The following CRYBB3 variants were observed in gnomAD, a reference collection of about 807,000 sequenced individuals.
The protein encoded by CRYBB3 is beta-crystallin B3.
CRYBB3 carries 35 observed loss-of-function variants against 28.3 expected under a neutral mutation model. That is an observed-to-expected ratio of 1.24 (90% confidence interval 0.95 to 1.64). The LOEUF (loss-of-function observed/expected upper bound fraction) is 1.64, where lower values mean the gene tolerates loss of function less well. CRYBB3 is among the 40% of genes most tolerant of loss of function. The probability of loss-of-function intolerance (pLI) is 0.00; values close to 1 mark genes in which losing one functional copy is unlikely to be tolerated. For missense variants in CRYBB3, 296 were observed against 297.4 expected (o/e 1.00, Z 0.04); for synonymous variants, 106 against 110.4 (o/e 0.96, Z 0.25).
intron 3 of CRYBB3, 33 bp downstream of exon 3, chr22:25,202,825 G>A: frequency 6.2e-7 from 1 of 1,611,530 alleles, no homozygotes; most frequent in African/African-American, 1.3e-5. Context: ...CCTCGCCACA[G>A]CCCTGAGCCT....
chr22:25,206,909 TA>T, intron 5 of CRYBB3, 137 bp from the exon 6 acceptor site: 1 of 760,318 alleles, frequency 1.3e-6, no homozygotes. Context: ...GTGAGCAGGG[TA>T]AAGAGTTTGG....
At chr22:25,200,710 G>C (rs529113883) in intron 1 of CRYBB3, among the ~76,000 whole-genome samples, 1 of 152,098 alleles carries the variant, frequency 6.6e-6, no homozygotes, top group South Asian at 2.1e-4. Flanking sequence ...GTACACAGTC[G>C]TGTTCAATAA....
chr22:25,203,840 C>G lies in CRYBB3; in HGVS notation c.272C>G (p.Ala91Gly). 1 of 1,614,212 alleles carries G rather than the reference C, an allele frequency of 6.2e-7. No individual in the cohort carries two copies. Among genetic ancestry groups the G allele is most frequent in the Non-Finnish European group, 8.5e-7 (1 of 1,180,022 alleles). The change falls in exon 4 of 6, where the codon GCC becomes GGC. Residue 91 changes from alanine (A) to glycine (G), a missense_variant. Ala to Gly is a moderately conservative substitution (Grantham distance 60, BLOSUM62 0). Coordinates refer to ENST00000215855, the MANE Select transcript of CRYBB3 (RefSeq NM_004076.5). ...LEKGDYPRWD[A>G]WSNSRDSDSL... is the part of the protein sequence containing the mutation. ...AAGGGGGATTATCCTCGCTGGGATGCCTGGTCCAACAGCCGTGATAGTGAC... is the reference window on the plus strand; with the variant it reads ...AAGGGGGATTATCCTCGCTGGGATGGCTGGTCCAACAGCCGTGATAGTGAC...
Position 25,207,094 on chromosome 22 carries a change from T to C in CRYBB3, c.518T>C (p.Phe173Ser). ...GGCTACCGTGGGCGCCAGTACGTGT[T>C]TGAGCGGGGCGAGTACCGCCACTGG... is the stretch of plus-strand genomic sequence containing the variant. The part of the protein sequence containing the change: ...FPGYRGRQYV[F>S]ERGEYRHWNE... Residue 173 changes from phenylalanine to serine, a missense_variant, in exon 6 of 6, where the codon TTT (phenylalanine) becomes TCT (serine). Coordinates refer to ENST00000215855, the MANE Select transcript of CRYBB3 (RefSeq NM_004076.5). 6.2e-7 allele frequency: 1 copy of C among 1,613,724 alleles called. No homozygotes were observed. The highest frequency in any genetic ancestry group is 8.5e-7 in the Non-Finnish European group (1 of 1,179,868).
Position 25,206,817 on chromosome 22 carries a change from A to G in CRYBB3, c.471-230A>G, listed in dbSNP as rs2252880. Among the ~76,000 whole-genome samples the G allele has an allele frequency of 0.43, 64,607 of 151,854 alleles. 14,648 individuals are homozygous for G. The highest frequency in any genetic ancestry group is 0.6 in the African/African-American group (24,860 of 41,412). The stretch of plus-strand genomic sequence containing the variant: ...GCCCCCCAACACAGCAGGTTCCGGG[A>G]AAGTAGAATAAGAGAGGCCACGGTG... On this transcript the variant is annotated intron_variant, in intron 5 of 5. Coordinates refer to ENST00000215855, the MANE Select transcript of CRYBB3 (RefSeq NM_004076.5).
intron 2 of CRYBB3, 118 bp from the exon 3 acceptor site, chr22:25,202,555 GC>G: frequency 6.3e-7 from 1 of 1,580,464 alleles, no homozygotes; most frequent in Non-Finnish European, 8.6e-7. Flanking sequence ...CTCAGTGCCA[GC>G]TCCAGGCTGG....
At chr22:25,203,487 T>C (rs577345778) in intron 3 of CRYBB3, among the ~76,000 whole-genome samples, 1 of 152,328 alleles carries the variant, frequency 6.6e-6, no homozygotes, top group Non-Finnish European at 1.5e-5. Context: ...GAATACTTAC[T>C]GTGTACCGGG....
At chr22:25,201,653 T>C (rs1934950955) in intron 2 of CRYBB3, among the ~76,000 whole-genome samples, 182 bp downstream of exon 2, 1 of 152,146 alleles carries the variant, frequency 6.6e-6, no homozygotes, top group Non-Finnish European at 1.5e-5. Context: ...CTTCATGACT[T>C]TGCTGCATCT....
chr22:25,207,182 G>A lies in CRYBB3; in HGVS notation c.606G>A (p.Trp202Ter), dbSNP rs765153929. ...TGCGCCGCATCCGTGACCAGAAGTG[G>A]CACAAGCGGGGCCGCTTCCCCAGCA... ...QSVRRIRDQK[W>*]HKRGRFPSS Residue 202 changes from tryptophan (W) to a stop codon, truncating the protein, a stop_gained, in exon 6 of 6, where the codon TGG becomes TGA. Coordinates refer to ENST00000215855, the MANE Select transcript of CRYBB3 (RefSeq NM_004076.5). LOFTEE classifies it high-confidence loss of function. The A allele has an allele frequency of 1.5e-5, 25 of 1,613,360 alleles. No individual in the cohort carries two copies. Among genetic ancestry groups the A allele is most frequent in the South Asian group, 8.8e-5 (8 of 91,046 alleles).
chr22:25,205,852 T>C (rs1484656534), intron 5 of CRYBB3, among the ~76,000 whole-genome samples: 2 of 152,194 alleles, frequency 1.3e-5, no homozygotes, highest in Admixed American at 1.3e-4. Context: ...AAGTAAAATC[T>C]GTTCTCTCCA....
At chr22:25,203,175 G>A (rs1934977304) in intron 3 of CRYBB3, among the ~76,000 whole-genome samples, 1 of 152,186 alleles carries the variant, frequency 6.6e-6, no homozygotes, top group South Asian at 2.1e-4. Flanking sequence ...GGGAAACTGA[G>A]GCCAAAGTTG....
At chr22:25,206,999 G>A (rs1601409700) in intron 5 of CRYBB3, 48 bp from the exon 6 acceptor site, 4 of 1,453,078 alleles carry the variant, frequency 2.8e-6, no homozygotes, top group East Asian at 2.3e-5. Flanking sequence ...CTGGAGGCAG[G>A]GTGACTGGAA....
chr22:25,204,877 G>A (rs1935003869), intron 4 of CRYBB3, among the ~76,000 whole-genome samples: 1 of 152,216 alleles, frequency 6.6e-6, no homozygotes, highest in African/African-American at 2.4e-5. Flanking sequence ...TTAGGAAAGA[G>A]GGAAAGCTCA....
At chr22:25,205,130 T>A in intron 4 of CRYBB3, 90 bp from the exon 5 acceptor site, 2 of 1,568,956 alleles carry the variant, frequency 1.3e-6, no homozygotes, top group South Asian at 2.3e-5. Context: ...TATTTTGTGG[T>A]GACCTGTTGA....
At position 25,204,670 on chromosome 22, in the gene CRYBB3, G is replaced by A. The variant is rs572508604; in HGVS notation, c.328-550G>A. On this transcript the variant is annotated intron_variant, in intron 4 of 5. Transcript: ENST00000215855. ...TGGCCTCAAGTGATCTGCCTGCCTC[G>A]GCCTCCCAAAGTACTGGGATTACAG... Among the ~76,000 whole-genome samples the A allele has an allele frequency of 4.5e-3, 686 of 152,166 alleles. 3 individuals carry two copies. Among genetic ancestry groups the A allele is most frequent in the South Asian group, 0.023 (110 of 4,814 alleles).
intron 5 of CRYBB3, 30 bp from the exon 6 acceptor site, chr22:25,207,017 G>A (rs773397294): frequency 1.5e-5 from 24 of 1,577,334 alleles, no homozygotes; most frequent in South Asian, 4.4e-5. Context: ...GAAGCAGACC[G>A]TCCACATCTC....
At position 25,205,187 on chromosome 22, in the gene CRYBB3, G is replaced by A. The variant is rs191425163; in HGVS notation, c.328-33G>A. 345 of 1,612,740 alleles carry A rather than the reference G, an allele frequency of 2.1e-4. 1 individual carries two copies. The African/African-American group carries it at 4.0e-3, about 19-fold the overall frequency. Reference sequence around the variant, plus strand: ...TCCTTGACCTCTGTTCTGGATATGGGAGCAGCCGCTCACCCCACGATATTG... The same window carrying A: ...TCCTTGACCTCTGTTCTGGATATGGAAGCAGCCGCTCACCCCACGATATTG... On this transcript the variant is annotated intron_variant, in intron 4 of 5. Transcript: ENST00000215855.
In CRYBB3 at chr22:25,205,347, G is replaced by C. The variant is rs141701069; in HGVS notation, c.455G>C (p.Arg152Pro). 1.9e-5 allele frequency: 30 copies of C among 1,613,942 alleles called. No homozygotes were observed. Among genetic ancestry groups the C allele is most frequent in the Non-Finnish European group, 2.5e-5 (29 of 1,180,000 alleles). The change falls in exon 5 of 6, where the codon CGT becomes CCT. Residue 152 changes from arginine (R) to proline (P), a missense_variant. Physicochemically the swap from Arg to Pro is moderately radical, Grantham distance 103. Coordinates refer to ENST00000215855, the MANE Select transcript of CRYBB3 (RefSeq NM_004076.5). ...HGFQDRVASV[R>P]AINGTWVGYE... ...TTCCAGGACCGTGTGGCGAGTGTCC[G>C]TGCCATCAACGGGACGTAAGGGACC...
intron 4 of CRYBB3, among the ~76,000 whole-genome samples, chr22:25,204,842 C>A (rs895977990): frequency 2.0e-5 from 3 of 152,186 alleles, no homozygotes; most frequent in Non-Finnish European, 4.4e-5. Flanking sequence ...AGAGGGGAAA[C>A]TGGGAAGATT....
Sources: gnomAD v4.1 joint callset for allele counts (sites outside exome capture counted in the v4.1 genomes callset) on GRCh38, gnomAD v4.1.1 for gene constraint, MANE v1.5 for transcripts, NCBI Gene and HGNC (gene_info 2026-07-23, HGNC 2026-07-21) for gene names.